STRN4: variants seen among roughly 807,000 people sequenced by gnomAD.
STRN4 encodes striatin-4.
Under a neutral mutation model 77.9 loss-of-function variants are expected in STRN4, and 27 were observed. That is an observed-to-expected ratio of 0.35 (90% CI 0.26 to 0.48). The LOEUF (loss-of-function observed/expected upper bound fraction) is 0.48. Ranked by LOEUF, STRN4 falls within the 20% of genes least tolerant of loss-of-function variation. STRN4 has a pLI of 0.99. For synonymous variants in STRN4, 466 were observed against 443.1 expected, an observed-to-expected ratio of 1.05 and a Z score of -0.65; for missense variants, 798 against 1,049.7, an observed-to-expected ratio of 0.76 and a Z score of 3.31.
At chr19:46,727,753 CAG>C (rs2054153780) in intron 8 of STRN4, 139 bp downstream of exon 8, 12 of 824,890 alleles carry the variant, frequency 1.5e-5, no homozygotes, top group Non-Finnish European at 2.1e-5. Context: ...GACAGACAGA[CAG>C]ACGAACTTTT....
intron 6 of STRN4, among the ~76,000 whole-genome samples, chr19:46,729,292 G>A (rs1224413949): frequency 6.6e-6 from 1 of 152,160 alleles, no homozygotes; most frequent in Non-Finnish European, 1.5e-5. Context: ...CGTGAACACT[G>A]TCATTATCAT....
chr19:46,726,982 G>C (rs977407805), intron 9 of STRN4, among the ~76,000 whole-genome samples: 12 of 151,980 alleles, frequency 7.9e-5, no homozygotes, highest in African/African-American at 2.9e-4. Flanking sequence ...GCCTTACTAG[G>C]GTCACCAACA....
chr19:46,721,251 C>A lies in STRN4; in HGVS notation c.2093-480G>T, dbSNP rs80066163. On this transcript the variant is annotated intron_variant, in intron 16 of 17. Coordinates refer to ENST00000263280, the MANE Select transcript of STRN4 (RefSeq NM_013403.3). ...GACTTGGGGAGAAGAGGGGAGAGGA[C>A]GGCAGGCTGGGCAGGGCCCTGGCGA... The A allele has an allele frequency of 3.4e-3, 533 of 155,178 alleles. 1 individual carries two copies. The highest frequency in any genetic ancestry group is 4.5e-3 in the Non-Finnish European group (317 of 70,018). The allele number at this position is 155,178 out of a possible 1,614,324, so 9.6% of individuals were successfully genotyped here.
Position 46,733,508 on chromosome 19 carries a change from AG to A in STRN4, c.540-273del. 1 of 438,268 alleles carries A rather than the reference AG, an allele frequency of 2.3e-6. No homozygotes were observed. Among genetic ancestry groups the A allele is most frequent in the Non-Finnish European group, 4.2e-6 (1 of 240,502 alleles). 27.1% of individuals were successfully genotyped at this position (438,268 alleles called of 1,614,324 possible). ...GGGACCAGCCTCAGCACCCACCGAC[AG>A]GGGCTGTGTCAGCAAATGACTCATA... On this transcript the variant is annotated intron_variant, in intron 4 of 17. Transcript: ENST00000263280. The surrounding 1 kb of genome is among the most constrained non-coding windows in gnomAD (Gnocchi z 4.3).
At chr19:46,720,986 G>A (rs186309631) in intron 16 of STRN4, 2 of 461,634 alleles carry the variant, frequency 4.3e-6, no homozygotes, top group Admixed American at 8.6e-5. Flanking sequence ...CATTTCTTGA[G>A]CAGCTACTGC....
In STRN4 at chr19:46,725,652, G is replaced by A; in HGVS notation, c.1249-4C>T. 1 of 1,613,140 alleles carries A rather than the reference G, an allele frequency of 6.2e-7. No individual in the cohort carries two copies. The highest frequency in any genetic ancestry group is 8.5e-7 in the Non-Finnish European group (1 of 1,179,286). On this transcript the variant is annotated splice_polypyrimidine_tract_variant and splice_region_variant and intron_variant, in intron 9 of 17. Coordinates refer to ENST00000263280, the MANE Select transcript of STRN4 (RefSeq NM_013403.3). ...AAGCATCTTTGCTGTCAGACAGCTGGGGTTGGGGGGAGCTGCCTCAGTGTC... is the reference window on the plus strand; with the variant it reads ...AAGCATCTTTGCTGTCAGACAGCTGAGGTTGGGGGGAGCTGCCTCAGTGTC...
Position 46,722,674 on chromosome 19 carries a change from C to G in STRN4, c.1906+136G>C, listed in dbSNP as rs373510936. The G allele has an allele frequency of 4.4e-4, 612 of 1,383,136 alleles. 4 individuals carry two copies. The African/African-American group carries it at 8.0e-3, about 18-fold the overall frequency. 85.7% of individuals were successfully genotyped at this position (1,383,136 alleles called of 1,614,324 possible). A position where few individuals can be genotyped will look rare whatever the true frequency, so the allele number is the denominator to read the frequency against. On this transcript the variant is annotated intron_variant, in intron 14 of 17. Coordinates refer to ENST00000263280, the MANE Select transcript of STRN4 (RefSeq NM_013403.3). ...CCGGGGGCCCTCCACTGGGACCCAA[C>G]TTCCTTCCTGCTCAGGGCCTGAGGG...
chr19:46,726,665 G>C (rs940897197), intron 9 of STRN4, among the ~76,000 whole-genome samples: 4 of 152,122 alleles, frequency 2.6e-5, no homozygotes, highest in African/African-American at 9.7e-5. Flanking sequence ...CCCAGCAGGG[G>C]ACCCGGAGAG....
intron 4 of STRN4, among the ~76,000 whole-genome samples, chr19:46,734,676 T>C (rs1219064760): frequency 6.6e-6 from 1 of 152,166 alleles, no homozygotes; most frequent in African/African-American, 2.4e-5. Context: ...TCTTTTTTGT[T>C]GTTGTTAAGA....
chr19:46,742,560 T>C (rs963867623), intron 1 of STRN4, among the ~76,000 whole-genome samples: 1 of 152,176 alleles, frequency 6.6e-6, no homozygotes. Flanking sequence ...CACTGTTTCT[T>C]TTTTTATTTT....
chr19:46,725,443 T>G lies in STRN4; in HGVS notation c.1424+30A>C. On this transcript the variant is annotated intron_variant, in intron 10 of 17. Coordinates refer to ENST00000263280, the MANE Select transcript of STRN4 (RefSeq NM_013403.3). ...TGTCACCCCCGTCCCCAGATGCCCC[T>G]GCCCCCGGCTCTGAGCTTGCTGCCC... 2.5e-6 allele frequency: 4 copies of G among 1,612,046 alleles called. 1 individual carries two copies. The highest frequency in any genetic ancestry group is 2.2e-5 in the South Asian group (2 of 91,052).
chr19:46,724,276 G>C (rs1164615079), intron 12 of STRN4, among the ~76,000 whole-genome samples: 1 of 107,200 alleles, frequency 9.3e-6, no homozygotes, highest in South Asian at 2.6e-4. Context: ...AAAAAAAAAA[G>C]GCAGAGAACA....
In STRN4 at chr19:46,728,672, C is replaced by T; in HGVS notation, c.985G>A (p.Glu329Lys). The T allele has an allele frequency of 6.2e-7, 1 of 1,614,158 alleles. No individual in the cohort carries two copies. Among genetic ancestry groups the T allele is most frequent in the Non-Finnish European group, 8.5e-7 (1 of 1,180,006 alleles). The stretch of plus-strand genomic sequence containing the variant: ...CACCGCCGAGGGTCTGGAGCCCCTT[C>T]CCCATCCTCTCCTGAGCCCAGGAAA... ...FDFLGSGEDG[E>K]GAPDPRRCTV... The change falls in exon 7 of 18, where the codon GAA becomes AAA. Residue 329 changes from glutamate to lysine, a missense_variant. By Grantham distance (56) the Glu-to-Lys change is moderately conservative. Coordinates refer to ENST00000263280, the MANE Select transcript of STRN4 (RefSeq NM_013403.3).
In STRN4 at chr19:46,724,695, G is replaced by A. The variant is rs536155583; in HGVS notation, c.1594+112C>T. On this transcript the variant is annotated intron_variant, in intron 12 of 17. Coordinates refer to ENST00000263280, the MANE Select transcript of STRN4 (RefSeq NM_013403.3). ...AGAGCAGACAGGGGAGCCGTCACAC[G>A]CACTCCTGAGGCCTGCAGTGTTGGC... 2.6e-5 allele frequency: 39 copies of A among 1,491,102 alleles called. No individual in the cohort carries two copies. The highest frequency in any genetic ancestry group is 1.8e-4 in the Middle Eastern group (1 of 5,558). The allele number at this position is 1,491,102 out of a possible 1,614,324, so 92.4% of individuals were successfully genotyped here. A position where few individuals can be genotyped will look rare whatever the true frequency, so the allele number is the denominator to read the frequency against.
intron 3 of STRN4, among the ~76,000 whole-genome samples, chr19:46,737,622 T>C (rs2054394336): frequency 6.7e-6 from 1 of 149,640 alleles, no homozygotes; most frequent in Non-Finnish European, 1.5e-5. Flanking sequence ...AGCGTGCGTC[T>C]CTGTATCTGT....
intron 17 of STRN4, 37 bp from the exon 18 acceptor site, chr19:46,720,375 G>A (rs928905099): frequency 3.5e-5 from 15 of 434,040 alleles, no homozygotes; most frequent in South Asian, 9.4e-5. Context: ...CTGAGCCGCC[G>A]CCTCTAGGGC....
At chr19:46,742,845 G>C (rs2054498493) in intron 1 of STRN4, among the ~76,000 whole-genome samples, 1 of 152,204 alleles carries the variant, frequency 6.6e-6, no homozygotes, top group African/African-American at 2.4e-5. Context: ...ACAGGCGCGA[G>C]CCACCGCGCC....
At position 46,738,734 on chromosome 19, in the gene STRN4, T is replaced by G; in HGVS notation, c.386+51A>C. The G allele has an allele frequency of 6.3e-7, 1 of 1,590,066 alleles. No individual in the cohort carries two copies. Among genetic ancestry groups the G allele is most frequent in the Non-Finnish European group, 8.6e-7 (1 of 1,159,062 alleles). ...GGCGTGGCTGGTGGCCTCCTGACAC[T>G]GTGCTTGAGACGGACCCAGAAGGCA... On this transcript the variant is annotated intron_variant, in intron 2 of 17. Transcript: ENST00000263280. The surrounding 1 kb of genome is among the most constrained non-coding windows in gnomAD (Gnocchi z 4.5).
Position 46,730,760 on chromosome 19 carries a change from C to T in STRN4, c.851G>A (p.Ser284Asn), listed in dbSNP as rs759601307. 7.1e-5 allele frequency: 114 copies of T among 1,612,648 alleles called. No homozygotes were observed. Among genetic ancestry groups the T allele is most frequent in the Admixed American group, 1.0e-4 (6 of 60,008 alleles). Residue 284 changes from serine (S) to asparagine (N), a missense_variant, in exon 6 of 18, where the codon AGC becomes AAC. Physicochemically the swap from Ser to Asn is conservative, Grantham distance 46 (BLOSUM62 1). Around this residue, in one of 2 missense-constraint regions of STRN4, gnomAD observed 511 missense variants for 575.9 expected, o/e 0.89. Transcript: ENST00000263280. Reference sequence around the variant, plus strand: ...CACACGCTGCTTCTTGTGCTGCACGCTGTCCAGCTCATCGTCCTCGTCGCT... The same window carrying T: ...CACACGCTGCTTCTTGTGCTGCACGTTGTCCAGCTCATCGTCCTCGTCGCT... Reference protein sequence around the residue: ...EDSDEDDELDSVQHKKQRVKL... With the variant: ...EDSDEDDELDNVQHKKQRVKL...
Sources: gnomAD v4.1 joint callset for allele counts (sites outside exome capture counted in the v4.1 genomes callset) on GRCh38, gnomAD v4.1.1 for gene constraint, gnomAD v4.1.1 regional missense constraint, Gnocchi (gnomAD v3.1) non-coding constraint, MANE v1.5 for transcripts, NCBI Gene and HGNC (gene_info 2026-07-23, HGNC 2026-07-21) for gene names.